The following WDR48 variants were observed in gnomAD, a reference collection of about 807,000 sequenced individuals.
WDR48 encodes the protein WD repeat-containing protein 48.
In WDR48, 22 loss-of-function variants were observed where a neutral mutation model predicts 94.0. The ratio of observed to expected loss-of-function variants is 0.23; its 90% confidence interval spans 0.17 to 0.33. The LOEUF is 0.33. Ranked by LOEUF, WDR48 falls within the 10% of genes least tolerant of loss-of-function variation. The pLI is 1.00. For missense variants in WDR48, 541 were observed against 813.8 expected (o/e 0.66, Z 4.08); for synonymous variants, 278 against 280.5 (o/e 0.99, Z 0.09).
intron 1 of WDR48, among the ~76,000 whole-genome samples, chr3:39,055,308 G>A (rs1247438935): frequency 3.3e-5 from 5 of 152,126 alleles, no homozygotes; most frequent in Non-Finnish European, 5.9e-5. Flanking sequence ...CCAACATGGC[G>A]AAATCCCGTC....
At chr3:39,077,920 A>G in intron 9 of WDR48, 2 of 443,342 alleles carry the variant, frequency 4.5e-6, no homozygotes, top group Admixed American at 3.9e-5. Context: ...GCTTTCATGC[A>G]TAGTTTTCTC....
intron 11 of WDR48, among the ~76,000 whole-genome samples, chr3:39,083,157 C>G (rs1030654836): frequency 6.6e-6 from 1 of 151,920 alleles, no homozygotes; most frequent in Non-Finnish European, 1.5e-5. Flanking sequence ...GTCTTAAGGG[C>G]AAAAGCCAGG....
chr3:39,088,744 T>C (rs574802536), intron 15 of WDR48, among the ~76,000 whole-genome samples: 1 of 152,270 alleles, frequency 6.6e-6, no homozygotes, highest in African/African-American at 2.4e-5. Context: ...TCCAAGTTGC[T>C]AGCAAGGTCC....
intron 10 of WDR48, 120 bp from the exon 11 acceptor site, chr3:39,079,591 T>G (rs2034413309): frequency 1.6e-6 from 1 of 622,166 alleles, no homozygotes; most frequent in Admixed American, 4.1e-5. Flanking sequence ...GTTTGCCTTT[T>G]CCTTTCTAGT....
intron 3 of WDR48, 97 bp from the exon 4 acceptor site, chr3:39,066,449 AAT>A: frequency 3.0e-6 from 3 of 1,000,832 alleles, no homozygotes; most frequent in Admixed American, 2.2e-5. Context: ...TAAGAGAGAG[AAT>A]ATGTTAGTTT....
At chr3:39,077,250 A>G (rs757964171) in intron 9 of WDR48, 37 bp downstream of exon 9, 1 of 1,611,178 alleles carries the variant, frequency 6.2e-7, no homozygotes, top group Non-Finnish European at 8.5e-7. Flanking sequence ...GTTTATAAAC[A>G]TGTATTTTGT....
chr3:39,076,105 G>A (rs1200597797), intron 8 of WDR48, among the ~76,000 whole-genome samples: 2 of 152,164 alleles, frequency 1.3e-5, no homozygotes, highest in Non-Finnish European at 2.9e-5. Context: ...CATTCTCTAC[G>A]AAACTAAGTG....
At chr3:39,091,872 G>A (rs529268314) in intron 17 of WDR48, among the ~76,000 whole-genome samples, 171 bp downstream of exon 17, 2 of 152,264 alleles carry the variant, frequency 1.3e-5, no homozygotes, top group East Asian at 1.9e-4. Context: ...CCGATTACAG[G>A]TGTTCAAAAA....
intron 15 of WDR48, among the ~76,000 whole-genome samples, chr3:39,088,739 G>A (rs2034939574): frequency 6.6e-6 from 1 of 152,202 alleles, no homozygotes; most frequent in Admixed American, 6.5e-5. Context: ...TCACCTCCAA[G>A]TTGCTAGCAA....
At chr3:39,075,647 C>T (rs990674726) in intron 8 of WDR48, among the ~76,000 whole-genome samples, 3 of 152,030 alleles carry the variant, frequency 2.0e-5, no homozygotes, top group South Asian at 2.1e-4. Flanking sequence ...TCAACCTCAC[C>T]GATAGTCACA....
At position 39,066,965 on chromosome 3, in the gene WDR48, C is replaced by A. The variant is rs568511951; in HGVS notation, c.481+90C>A. On this transcript the variant is annotated intron_variant, in intron 5 of 18. Transcript: ENST00000302313. The stretch of plus-strand genomic sequence containing the variant: ...TAAAACATTTTTGATAGGTTTGCAT[C>A]GAGAGAGTGTTTCATATTTTGAGAG... 2.8e-6 allele frequency: 4 copies of A among 1,453,526 alleles called. No homozygotes were observed. The South Asian group carries it at 3.9e-5, about 14-fold the overall frequency. 90.0% of individuals were successfully genotyped at this position (1,453,526 alleles called of 1,614,324 possible). A position where few individuals can be genotyped will look rare whatever the true frequency, so the allele number is the denominator to read the frequency against.
At chr3:39,078,919 A>G (rs112108561) in intron 10 of WDR48, among the ~76,000 whole-genome samples, 10,373 of 150,722 alleles carry the variant, frequency 0.069, 1,118 homozygotes, top group African/African-American at 0.23. Flanking sequence ...AGTCCCAGCT[A>G]CTTGGGAGGC....
intron 1 of WDR48, 113 bp from the exon 2 acceptor site, chr3:39,062,937 A>T: frequency 7.4e-7 from 1 of 1,359,526 alleles, no homozygotes; most frequent in Non-Finnish European, 1.0e-6. Flanking sequence ...GGGTTGAAAA[A>T]GTACATATTG....
chr3:39,075,629 C>T (rs182966237), intron 8 of WDR48, among the ~76,000 whole-genome samples: 24 of 152,118 alleles, frequency 1.6e-4, no homozygotes, highest in Admixed American at 9.8e-4. Flanking sequence ...AATGGCCAGT[C>T]GACATGTTCA....
intron 1 of WDR48, 76 bp downstream of exon 1, chr3:39,052,149 C>A: frequency 6.4e-7 from 1 of 1,573,856 alleles, no homozygotes; most frequent in Non-Finnish European, 8.7e-7. Flanking sequence ...AGGTGCCCGG[C>A]GCCACGACCA....
chr3:39,079,284 A>T (rs2034399856), intron 10 of WDR48, among the ~76,000 whole-genome samples: 1 of 152,336 alleles, frequency 6.6e-6, no homozygotes, highest in African/African-American at 2.4e-5. Flanking sequence ...TGTATGGCAC[A>T]TTCATTTGTT....
At chr3:39,059,643 A>G (rs1017421926) in intron 1 of WDR48, among the ~76,000 whole-genome samples, 4 of 151,870 alleles carry the variant, frequency 2.6e-5, no homozygotes, top group Admixed American at 2.0e-4. Flanking sequence ...TCTCAGTTAC[A>G]GTTAATTGCA....
At chr3:39,053,937 G>A (rs2032674846) in intron 1 of WDR48, among the ~76,000 whole-genome samples, 1 of 152,170 alleles carries the variant, frequency 6.6e-6, no homozygotes, top group East Asian at 1.9e-4. Flanking sequence ...CAGCACTTAG[G>A]ACCTTGTTCT....
rs199705206 is a variant in WDR48 at position 39,063,138 on chromosome 3, T to A, written c.137T>A (p.Phe46Tyr). Reference protein sequence around the residue: ...LQLDPALNRLFTAGRDSIIRI... With the variant: ...LQLDPALNRLYTAGRDSIIRI... ...CTGGATCCAGCACTAAATAGACTTT[T>A]CACAGCCGGTCGAGACTCTATCATA... Residue 46 changes from phenylalanine to tyrosine, a missense_variant, in exon 2 of 19, where the codon TTC (phenylalanine) becomes TAC (tyrosine). Physicochemically the swap from Phe to Tyr is conservative, Grantham distance 22. This residue lies in a region of WDR48 where 90 missense variants were observed against 122.3 expected (regional missense o/e 0.74). Coordinates refer to ENST00000302313, the MANE Select transcript of WDR48 (RefSeq NM_020839.4). 1.4e-5 allele frequency: 22 copies of A among 1,613,966 alleles called. No homozygotes were observed. Among genetic ancestry groups the A allele is most frequent in the East Asian group, 1.1e-4 (5 of 44,870 alleles).
Sources: allele counts gnomAD v4.1 joint callset (sites outside exome capture counted in the v4.1 genomes callset), GRCh38; gene constraint gnomAD v4.1.1; regional missense constraint gnomAD v4.1.1; transcripts MANE v1.5; gene names NCBI Gene and HGNC (gene_info 2026-07-23, HGNC 2026-07-21).